Variants in DGKB observed in about 807,000 individuals in gnomAD.
The protein encoded by DGKB is 90 kDa diacylglycerol kinase.
In DGKB, 67 loss-of-function variants were observed where a neutral mutation model predicts 114.3. The ratio of observed to expected loss-of-function variants is 0.59; its 90% confidence interval spans 0.48 to 0.72. The LOEUF is 0.72. Ranked by LOEUF, DGKB falls within the 30% of genes least tolerant of loss-of-function variation. DGKB has a pLI of 0.00. For synonymous variants in DGKB, 398 were observed against 323.1 expected, an observed-to-expected ratio of 1.23 and a Z score of -2.49; for missense variants, 907 against 975.2, an observed-to-expected ratio of 0.93 and a Z score of 0.93.
intron 4 of DGKB, among the ~76,000 whole-genome samples, chr7:14,748,529 G>T (rs922955299): frequency 9.9e-5 from 15 of 152,140 alleles, no homozygotes; most frequent in Non-Finnish European, 1.8e-4. Context: ...TTCCACTGGA[G>T]CCAGTGAGGA....
intron 23 of DGKB, among the ~76,000 whole-genome samples, chr7:14,183,798 G>A (rs1782984443): frequency 1.3e-5 from 2 of 152,178 alleles, no homozygotes; most frequent in African/African-American, 4.8e-5. Context: ...GATCATCATG[G>A]CGGACAGGAG....
intron 2 of DGKB, among the ~76,000 whole-genome samples, chr7:14,791,606 GAGA>G (rs1364012412): frequency 6.6e-6 from 1 of 152,074 alleles, no homozygotes; most frequent in Non-Finnish European, 1.5e-5. Flanking sequence ...TGTTTTATCA[GAGA>G]AGTTTTGTTT....
intron 20 of DGKB, among the ~76,000 whole-genome samples, chr7:14,556,579 C>T (rs2128658275): frequency 6.6e-6 from 1 of 152,158 alleles, no homozygotes; most frequent in East Asian, 1.9e-4. Flanking sequence ...ATTAAAAAAG[C>T]TTAAATTTTT....
At position 14,775,919 on chromosome 7, in the gene DGKB, C is replaced by T. The variant is rs192658109; in HGVS notation, c.71-18188G>A. On this transcript the variant is annotated intron_variant, in intron 2 of 25. Transcript: ENST00000402815. ...TTTGGAACTGGGTAACAGGAAGAGGCTGGAAGAATTTGGAGGGCTCAGAGA... is the reference window on the plus strand; with the variant it reads ...TTTGGAACTGGGTAACAGGAAGAGGTTGGAAGAATTTGGAGGGCTCAGAGA... 5.3e-5 allele frequency among the ~76,000 whole-genome samples: 8 copies of T among 152,076 alleles called. No homozygotes were observed. The East Asian group carries it at 1.2e-3, about 22-fold the overall frequency.
intron 21 of DGKB, among the ~76,000 whole-genome samples, chr7:14,399,174 C>T (rs1328182225): frequency 6.6e-6 from 1 of 151,324 alleles, no homozygotes; most frequent in African/African-American, 2.4e-5. Flanking sequence ...ATCATTACTA[C>T]TACTAGAATA....
intron 23 of DGKB, among the ~76,000 whole-genome samples, chr7:14,263,055 T>G (rs781144623): frequency 2.0e-5 from 3 of 152,100 alleles, no homozygotes; most frequent in Admixed American, 6.5e-5. Flanking sequence ...CTATGCATTA[T>G]GTAAAGGGAT....
intron 4 of DGKB, among the ~76,000 whole-genome samples, chr7:14,748,554 G>C (rs1639235): frequency 0.011 from 1,737 of 152,196 alleles, 30 homozygotes; most frequent in African/African-American, 0.039. Flanking sequence ...CAGGAAATTG[G>C]AGCAGGAGTG....
rs140372813 is a variant in DGKB at position 14,549,610 on chromosome 7, C to T, written c.1770+24602G>A. On this transcript the variant is annotated intron_variant, in intron 20 of 25. Coordinates refer to ENST00000402815, the MANE Select transcript of DGKB (RefSeq NM_001350709.2). ...ACTTTGTTGAGCGATAAAGAGAATGCAGGGAACAATAACACTGAAAATTAT... is the reference window on the plus strand; with the variant it reads ...ACTTTGTTGAGCGATAAAGAGAATGTAGGGAACAATAACACTGAAAATTAT... Among the ~76,000 whole-genome samples, 26 of 152,164 alleles carry T rather than the reference C, an allele frequency of 1.7e-4. No individual in the cohort carries two copies. The East Asian group carries it at 4.8e-3, about 28-fold the overall frequency.
chr7:14,259,405 C>CTA (rs1378019037), intron 23 of DGKB, among the ~76,000 whole-genome samples: 104 of 95,022 alleles, frequency 1.1e-3, no homozygotes, highest in East Asian at 6.8e-3. Flanking sequence ...CTCTCTCTCT[C>CTA]TCTATATATA....
chr7:14,895,237 T>C (rs1203115127), intron 1 of DGKB, among the ~76,000 whole-genome samples: 1 of 151,590 alleles, frequency 6.6e-6, no homozygotes, highest in African/African-American at 2.4e-5. Context: ...TGAATGAAAA[T>C]GTTTTGTTTA....
chr7:14,270,142 G>A (rs918241431), intron 23 of DGKB, among the ~76,000 whole-genome samples: 1 of 149,380 alleles, frequency 6.7e-6, no homozygotes, highest in South Asian at 2.2e-4. Flanking sequence ...TAAGATGGTA[G>A]TAGAAACAGA....
intron 21 of DGKB, among the ~76,000 whole-genome samples, chr7:14,472,626 T>G (rs1027895397): frequency 6.6e-6 from 1 of 152,148 alleles, no homozygotes; most frequent in Non-Finnish European, 1.5e-5. Flanking sequence ...TGGAACACTT[T>G]GGAGGACTCA....
intron 25 of DGKB, among the ~76,000 whole-genome samples, chr7:14,159,581 C>CCATT (rs1783551252): frequency 6.6e-6 from 1 of 152,124 alleles, no homozygotes; most frequent in East Asian, 1.9e-4. Context: ...TGTTTTCTCT[C>CCATT]CATTCATTGT....
intron 1 of DGKB, among the ~76,000 whole-genome samples, chr7:14,957,218 T>C (rs7811800): frequency 0.21 from 31,988 of 151,836 alleles, 5,224 homozygotes; most frequent in East Asian, 0.8. Flanking sequence ...CCAGACAGAA[T>C]TTGAACATCC....
chr7:14,743,428 T>C (rs529061285), intron 4 of DGKB, among the ~76,000 whole-genome samples: 19 of 152,272 alleles, frequency 1.2e-4, no homozygotes, highest in Middle Eastern at 3.4e-3. Flanking sequence ...ACTGGGATTG[T>C]ATTTCAAATT....
In DGKB at chr7:14,909,790, A is replaced by G. The variant is rs78982879; in HGVS notation, c.-188+64906T>C. 2.1e-3 allele frequency among the ~76,000 whole-genome samples: 325 copies of G among 152,320 alleles called. 8 individuals carry two copies. The East Asian group carries it at 0.047, about 22-fold the overall frequency. On this transcript the variant is annotated intron_variant, in intron 1 of 4. Transcript: ENST00000437998. The stretch of plus-strand genomic sequence containing the variant: ...TGAGGTGGAATAGTTTTTTTTATAA[A>G]ACATTAGCACATAATGTGTACTTTT...
intron 1 of DGKB, among the ~76,000 whole-genome samples, chr7:14,889,664 T>C (rs1235533104): frequency 6.6e-6 from 1 of 151,542 alleles, no homozygotes; most frequent in Non-Finnish European, 1.5e-5. Flanking sequence ...AAAAAAAGTT[T>C]CATAGGGATC....
At chr7:14,705,309 G>C (rs1825997425) in intron 6 of DGKB, among the ~76,000 whole-genome samples, 1 of 149,224 alleles carries the variant, frequency 6.7e-6, no homozygotes, top group Non-Finnish European at 1.5e-5. Flanking sequence ...CAAGAAATAT[G>C]GGACTATGTG....
chr7:14,605,909 C>A (rs559940441), intron 17 of DGKB, among the ~76,000 whole-genome samples: 1 of 152,198 alleles, frequency 6.6e-6, no homozygotes, highest in East Asian at 1.9e-4. Context: ...TCCTATAAGG[C>A]AGGCAGAAAT....
Sources: allele counts gnomAD v4.1 joint callset (sites outside exome capture counted in the v4.1 genomes callset), GRCh38; gene constraint gnomAD v4.1.1; transcripts MANE v1.5; gene names NCBI Gene and HGNC (gene_info 2026-07-23, HGNC 2026-07-21).